RANBP3L: variants seen among roughly 807,000 people sequenced by gnomAD.
RANBP3L encodes the protein ran-binding protein 3-like.
In RANBP3L, 56 loss-of-function variants were observed where a neutral mutation model predicts 67.2. The ratio of observed to expected loss-of-function variants is 0.83; its 90% CI spans 0.67 to 1.04. RANBP3L has a LOEUF of 1.04. Ranked by LOEUF, RANBP3L falls within the 50% of genes least tolerant of loss-of-function variation. RANBP3L has a pLI of 0.00. For synonymous variants in RANBP3L, 164 were observed against 181.4 expected (o/e 0.90, Z 0.77); for missense variants, 496 against 535.5 (o/e 0.93, Z 0.73).
chr5:36,258,891 G>A (rs1026567795), intron 8 of RANBP3L, among the ~76,000 whole-genome samples: 1 of 152,156 alleles, frequency 6.6e-6, no homozygotes, highest in African/African-American at 2.4e-5. Flanking sequence ...TGAGCTAATT[G>A]GTCTGGGATG....
In RANBP3L at chr5:36,247,875, G is replaced by A. The variant is rs732328; in HGVS notation, c.*1779C>T. Among the ~76,000 whole-genome samples the A allele has an allele frequency of 0.42, 63,943 of 152,052 alleles. 15,770 individuals carry two copies. Among genetic ancestry groups the A allele is most frequent in the Non-Finnish European group, 0.57 (38,460 of 67,952 alleles). On this transcript the variant is annotated 3_prime_UTR_variant, in exon 14 of 14. Coordinates refer to ENST00000296604, the MANE Select transcript of RANBP3L (RefSeq NM_145000.5). The stretch of plus-strand genomic sequence containing the variant: ...TGCACTCCAACCTGGGTGACAGAGC[G>A]AGACTCTGTCTAAAAAACAAACAAA...
At chr5:36,257,382 TTAA>T (rs1389453977) in intron 9 of RANBP3L, 69 bp downstream of exon 9, 1 of 563,250 alleles carries the variant, frequency 1.8e-6, no homozygotes, top group East Asian at 3.4e-5. Context: ...ATATTAAATA[TTAA>T]TGTTAATAAA....
chr5:36,292,073 A>G (rs1289868754), intron 1 of RANBP3L, among the ~76,000 whole-genome samples: 1 of 146,248 alleles, frequency 6.8e-6, no homozygotes, highest in African/African-American at 2.5e-5. Flanking sequence ...TTGTTTCCTG[A>G]CTTTTGAATG....
chr5:36,287,694 T>A (rs981859430), intron 1 of RANBP3L, among the ~76,000 whole-genome samples: 1 of 152,214 alleles, frequency 6.6e-6, no homozygotes, highest in African/African-American at 2.4e-5. Context: ...TAGATAGTTC[T>A]TTTTATTATA....
intron 4 of RANBP3L, among the ~76,000 whole-genome samples, chr5:36,265,977 CAAA>C (rs10717173): frequency 5.3e-5 from 4 of 76,076 alleles, no homozygotes; most frequent in Admixed American, 1.6e-4. Flanking sequence ...GACTCCATTT[CAAA>C]AAAAAAAAAA....
rs542934998 is a variant in RANBP3L, at chr5:36,254,766, A to G, written c.1024+704T>C. Among the ~76,000 whole-genome samples the G allele has an allele frequency of 1.6e-4, 24 of 152,126 alleles. 1 individual carries two copies. In the South Asian group the frequency reaches 4.8e-3, roughly 30 times the overall value. On this transcript the variant is annotated intron_variant, in intron 11 of 13. Transcript: ENST00000296604. ...CCAAAGTCCTGACCTCTCAAAATTG[A>G]CCAATAAATCCATTCATCCTGCCCA...
At chr5:36,255,118 G>A (rs983007137) in intron 11 of RANBP3L, among the ~76,000 whole-genome samples, 1 of 152,020 alleles carries the variant, frequency 6.6e-6, no homozygotes, top group African/African-American at 2.4e-5. Flanking sequence ...TATGTGCTTG[G>A]CTCTGATATA....
At chr5:36,285,822 T>C (rs1316451039) in intron 1 of RANBP3L, among the ~76,000 whole-genome samples, 1 of 152,144 alleles carries the variant, frequency 6.6e-6, no homozygotes, top group Non-Finnish European at 1.5e-5. Context: ...ACATCAGAAA[T>C]GAATTTTCAT....
At chr5:36,294,078 AT>A (rs1752011295) in intron 1 of RANBP3L, among the ~76,000 whole-genome samples, 2 of 152,038 alleles carry the variant, frequency 1.3e-5, no homozygotes, top group Non-Finnish European at 2.9e-5. Flanking sequence ...ACAATTTCAG[AT>A]CCTGTTATTG....
intron 1 of RANBP3L, among the ~76,000 whole-genome samples, chr5:36,299,219 C>G (rs1397540858): frequency 6.6e-6 from 1 of 152,054 alleles, no homozygotes; most frequent in Non-Finnish European, 1.5e-5. Context: ...AGTTTGCAGA[C>G]AGCCTATTGT....
intron 1 of RANBP3L, among the ~76,000 whole-genome samples, chr5:36,289,811 T>G (rs1751584546): frequency 6.6e-6 from 1 of 150,832 alleles, no homozygotes; most frequent in Non-Finnish European, 1.5e-5. Flanking sequence ...ATACCATCAA[T>G]CATCTGCAAA....
intron 1 of RANBP3L, among the ~76,000 whole-genome samples, chr5:36,294,218 G>A (rs1752023195): frequency 6.6e-6 from 1 of 152,068 alleles, no homozygotes; most frequent in South Asian, 2.1e-4. Flanking sequence ...TCTGATGGTG[G>A]TTTGTATTTC....
intron 1 of RANBP3L, among the ~76,000 whole-genome samples, chr5:36,284,843 A>G (rs972244511): frequency 1.3e-5 from 2 of 152,228 alleles, no homozygotes; most frequent in Non-Finnish European, 2.9e-5. Flanking sequence ...AGTTGGATGT[A>G]GTTGGTAATT....
chr5:36,299,607 T>C (rs952303), intron 1 of RANBP3L, among the ~76,000 whole-genome samples: 110,261 of 152,028 alleles, frequency 0.73, 40,509 homozygotes, highest in African/African-American at 0.8. Flanking sequence ...ACAATTTCAC[T>C]TCTAAGAATT....
intron 1 of RANBP3L, among the ~76,000 whole-genome samples, chr5:36,278,498 G>T (rs530841453): frequency 1.3e-5 from 2 of 152,254 alleles, no homozygotes; most frequent in South Asian, 4.1e-4. Flanking sequence ...AGCACATTCA[G>T]ATTTCTGTCA....
At chr5:36,252,782 G>A (rs557858752) in intron 12 of RANBP3L, among the ~76,000 whole-genome samples, 1 of 152,136 alleles carries the variant, frequency 6.6e-6, no homozygotes, top group African/African-American at 2.4e-5. Flanking sequence ...AATGGTAAAC[G>A]GGGTTTGTAC....
intron 1 of RANBP3L, among the ~76,000 whole-genome samples, chr5:36,280,514 T>G (rs1470443066): frequency 6.6e-6 from 1 of 152,122 alleles, no homozygotes; most frequent in Non-Finnish European, 1.5e-5. Context: ...GTTCACAGAG[T>G]CCTAAAAACA....
Position 36,257,543 on chromosome 5 carries a change from A to G in RANBP3L, c.683T>C (p.Leu228Pro). The G allele has an allele frequency of 1.9e-6, 3 of 1,539,170 alleles. No homozygotes were observed. Among genetic ancestry groups the G allele is most frequent in the Non-Finnish European group, 2.7e-6 (3 of 1,123,340 alleles). The change falls in exon 9 of 14, where the codon CTC (leucine) becomes CCC (proline). Residue 228 changes from leucine (L) to proline (P), a missense_variant. Coordinates refer to ENST00000296604, the MANE Select transcript of RANBP3L (RefSeq NM_145000.5). The part of the protein sequence containing the change: ...MVERVLGTQK[L>P]TQPQLENDSY... ...ATCATTTTCAAGTTGAGGCTGGGTG[A>G]GTTTTTGAGTACCCTGAGAGCGGAA...
At chr5:36,281,882 G>C (rs183455199) in intron 1 of RANBP3L, among the ~76,000 whole-genome samples, 1 of 152,128 alleles carries the variant, frequency 6.6e-6, no homozygotes, top group Non-Finnish European at 1.5e-5. Flanking sequence ...ATTTGAAGGC[G>C]TTACTTTGTC....
Sources: allele counts gnomAD v4.1 joint callset (sites outside exome capture counted in the v4.1 genomes callset), GRCh38; gene constraint gnomAD v4.1.1; transcripts MANE v1.5; gene names NCBI Gene and HGNC (gene_info 2026-07-23, HGNC 2026-07-21).